SLC35D4: variants seen among roughly 807,000 people sequenced by gnomAD.
The protein encoded by SLC35D4 is UDP-N-acetylglucosamine transporter SLC35D4.
chr18:23,418,774 G>A, the SLC35D4 span, among the ~76,000 whole-genome samples: 2,364 of 152,000 alleles, frequency 0.016, 70 homozygotes, highest in African/African-American at 0.054. Context: ...TTGGGAGGCC[G>A]AAGCGGGTGG....
the SLC35D4 span, among the ~76,000 whole-genome samples, chr18:23,344,670 C>T: frequency 2.2e-4 from 33 of 149,418 alleles, no homozygotes; most frequent in African/African-American, 7.7e-4. Flanking sequence ...GGCGCGATCT[C>T]GGCTCACTGC....
At chr18:23,293,131 C>A in the SLC35D4 span, among the ~76,000 whole-genome samples, 1 of 152,128 alleles carries the variant, frequency 6.6e-6, no homozygotes, top group East Asian at 1.9e-4. Flanking sequence ...GTAATCCCAG[C>A]TACTTGGGAG....
the SLC35D4 span, among the ~76,000 whole-genome samples, chr18:23,386,215 A>G: frequency 1.3e-5 from 2 of 151,924 alleles, no homozygotes; most frequent in African/African-American, 4.8e-5. Flanking sequence ...GTTGTCTGCT[A>G]TGGCAACAAA....
chr18:23,368,714 C>T, the SLC35D4 span: 2 of 1,382,994 alleles, frequency 1.4e-6, no homozygotes, highest in South Asian at 1.3e-5. Flanking sequence ...TTATATTTTA[C>T]CTGAATATAT....
the SLC35D4 span, among the ~76,000 whole-genome samples, chr18:23,291,768 A>C: frequency 6.6e-6 from 1 of 152,246 alleles, no homozygotes; most frequent in African/African-American, 2.4e-5. Flanking sequence ...GGCTACAGGT[A>C]AGTCGCAGAG....
At chr18:23,303,595 G>T in the SLC35D4 span, among the ~76,000 whole-genome samples, 6 of 152,228 alleles carry the variant, frequency 3.9e-5, no homozygotes, top group Admixed American at 3.9e-4. Flanking sequence ...TTGTAAGAGA[G>T]AAAGATATTG....
chr18:23,366,141 T>C, the SLC35D4 span, among the ~76,000 whole-genome samples: 1,007 of 152,356 alleles, frequency 6.6e-3, 10 homozygotes, highest in African/African-American at 0.023. Context: ...CCAGCCCATC[T>C]ACCATGTGGC....
chr18:23,387,435 T>G, the SLC35D4 span, among the ~76,000 whole-genome samples: 1 of 152,176 alleles, frequency 6.6e-6, no homozygotes, highest in East Asian at 1.9e-4. Context: ...TTAAGGACCT[T>G]GATGAGTGGC....
At chr18:23,313,812 A>G in the SLC35D4 span, among the ~76,000 whole-genome samples, 1 of 152,118 alleles carries the variant, frequency 6.6e-6, no homozygotes, top group Non-Finnish European at 1.5e-5. Flanking sequence ...AAGGCCACAC[A>G]GTCCACTGAG....
chr18:23,258,706 A>G, the SLC35D4 span: 2 of 152,256 alleles, frequency 1.3e-5, no homozygotes, highest in Non-Finnish European at 2.9e-5. Flanking sequence ...TTTGCCCTGC[A>G]TTGCTGATCC....
At chr18:23,284,873 T>C in the SLC35D4 span, among the ~76,000 whole-genome samples, 1 of 152,160 alleles carries the variant, frequency 6.6e-6, no homozygotes, top group Admixed American at 6.5e-5. Context: ...AACCCCAGCC[T>C]CCTGTTGGGG....
At chr18:23,314,518 A>C in the SLC35D4 span, among the ~76,000 whole-genome samples, 1 of 152,286 alleles carries the variant, frequency 6.6e-6, no homozygotes, top group African/African-American at 2.4e-5. Flanking sequence ...TCACCAAAGA[A>C]CAAGAGTCTT....
the SLC35D4 span, among the ~76,000 whole-genome samples, chr18:23,422,579 C>G: frequency 2.0e-5 from 3 of 152,186 alleles, no homozygotes; most frequent in Admixed American, 1.3e-4. Context: ...TGGTCCCCCT[C>G]TCTCCAAGGT....
the SLC35D4 span, among the ~76,000 whole-genome samples, chr18:23,420,886 T>C: frequency 6.6e-6 from 1 of 152,126 alleles, no homozygotes; most frequent in Non-Finnish European, 1.5e-5. Context: ...TTGAATTTTA[T>C]CTGAAAATAA....
the SLC35D4 span, among the ~76,000 whole-genome samples, chr18:23,381,569 T>C: frequency 6.2e-3 from 938 of 152,138 alleles, 11 homozygotes; most frequent in African/African-American, 0.021. Context: ...AAGGTTTGTT[T>C]TAATAACAAC....
the SLC35D4 span, among the ~76,000 whole-genome samples, chr18:23,390,812 T>C: frequency 6.6e-6 from 1 of 152,210 alleles, no homozygotes; most frequent in Non-Finnish European, 1.5e-5. Context: ...GGGTGATTTT[T>C]AAATATGCAG....
At chr18:23,328,263 T>G in the SLC35D4 span, among the ~76,000 whole-genome samples, 3 of 152,180 alleles carry the variant, frequency 2.0e-5, no homozygotes, top group African/African-American at 7.2e-5. Context: ...GAAGTCAAAT[T>G]GTCTCTATTT....
chr18:23,251,398 C>T, the SLC35D4 span, among the ~76,000 whole-genome samples: 1 of 152,112 alleles, frequency 6.6e-6, no homozygotes, highest in South Asian at 2.1e-4. Context: ...TTGCAGTGAG[C>T]CGAGATTGCG....
the SLC35D4 span, among the ~76,000 whole-genome samples, chr18:23,274,048 T>C: frequency 4.6e-5 from 7 of 152,174 alleles, no homozygotes; most frequent in Admixed American, 2.0e-4. Context: ...TCTTCCTGCC[T>C]CAGCCTCCCG....
Sources: gnomAD v4.1 joint callset for allele counts (sites outside exome capture counted in the v4.1 genomes callset) on GRCh38, gnomAD v4.1.1 for gene constraint, MANE v1.5 for transcripts, NCBI Gene and HGNC (gene_info 2026-07-23, HGNC 2026-07-21) for gene names.